CCSER1: variants seen among roughly 807,000 people sequenced by gnomAD.
The protein encoded by CCSER1 is coiled-coil serine rich protein 1.
CCSER1 carries 41 observed loss-of-function variants against 82.0 expected under a neutral mutation model. The ratio of observed to expected loss-of-function variants is 0.50; its 90% CI spans 0.39 to 0.65. The LOEUF is 0.65. Ranked by LOEUF, CCSER1 falls within the 30% of genes least tolerant of loss-of-function variation. CCSER1 has a pLI of 0.00. For synonymous variants in CCSER1, 414 were observed against 383.9 expected (o/e 1.08, Z -0.92); for missense variants, 1,119 against 1,064.2 (o/e 1.05, Z -0.72).
chr4:90,897,704 A>AT (rs1170763518), intron 8 of CCSER1, among the ~76,000 whole-genome samples: 1 of 152,046 alleles, frequency 6.6e-6, no homozygotes, highest in Non-Finnish European at 1.5e-5. Context: ...ATCTTCTACC[A>AT]TTTTCCGTAG....
intron 10 of CCSER1, among the ~76,000 whole-genome samples, chr4:91,318,208 C>A (rs575651727): frequency 6.6e-6 from 1 of 151,882 alleles, no homozygotes; most frequent in Non-Finnish European, 1.5e-5. Context: ...ACTCCTGATA[C>A]TTCAATAGGG....
intron 3 of CCSER1, among the ~76,000 whole-genome samples, chr4:90,315,645 AAGTGT>A (rs1736039992): frequency 6.6e-6 from 1 of 152,002 alleles, no homozygotes; most frequent in Non-Finnish European, 1.5e-5. Context: ...CTGGGACCAC[AAGTGT>A]GTGCCACCAT....
intron 1 of CCSER1, among the ~76,000 whole-genome samples, chr4:90,181,904 T>G (rs1205066287): frequency 6.6e-6 from 1 of 152,088 alleles, no homozygotes; most frequent in Non-Finnish European, 1.5e-5. Context: ...AAAGAAGTCA[T>G]TTGGTAAACA....
rs1225215181 is a variant in CCSER1 at position 90,232,318 on chromosome 4, G to A, written c.-41-75926G>A. Among the ~76,000 whole-genome samples, 6 of 150,776 alleles carry A rather than the reference G, an allele frequency of 4.0e-5. No homozygotes were observed. The East Asian group carries it at 8.0e-4, about 20-fold the overall frequency. Reference sequence around the variant, plus strand: ...GAACAGAGCCCTCAGAAATAATGCCGCATATCTACAACTATCTGATCTTTG... The same window carrying A: ...GAACAGAGCCCTCAGAAATAATGCCACATATCTACAACTATCTGATCTTTG... On this transcript the variant is annotated intron_variant, in intron 1 of 10. Coordinates refer to ENST00000509176, the MANE Select transcript of CCSER1 (RefSeq NM_001145065.2).
rs542316293 is a variant in CCSER1, at chr4:91,360,194, G to A, written c.2218-238378G>A. The stretch of plus-strand genomic sequence containing the variant: ...GACTCTGCTATGCTATAAAATTGAT[G>A]TGTGGGAAAGATACTTCTGTTCCCC... On this transcript the variant is annotated intron_variant, in intron 10 of 10. Coordinates refer to ENST00000509176, the MANE Select transcript of CCSER1 (RefSeq NM_001145065.2). 1.7e-4 allele frequency among the ~76,000 whole-genome samples: 26 copies of A among 151,886 alleles called. 1 individual carries two copies. The highest frequency in any genetic ancestry group is 3.4e-4 in the Non-Finnish European group (23 of 67,856).
intron 5 of CCSER1, among the ~76,000 whole-genome samples, chr4:90,500,574 A>C (rs1578828789): frequency 6.6e-6 from 1 of 151,958 alleles, no homozygotes; most frequent in Admixed American, 6.6e-5. Flanking sequence ...CAAGTGATCT[A>C]CCCGCCAACT....
At chr4:91,183,089 C>G (rs1019260586) in intron 10 of CCSER1, among the ~76,000 whole-genome samples, 1 of 152,180 alleles carries the variant, frequency 6.6e-6, no homozygotes, top group Admixed American at 6.5e-5. Flanking sequence ...TGTATGAGCC[C>G]TAATGTGAGT....
chr4:90,569,435 C>T (rs1174310527), intron 5 of CCSER1, among the ~76,000 whole-genome samples: 2 of 152,058 alleles, frequency 1.3e-5, no homozygotes, highest in Non-Finnish European at 2.9e-5. Flanking sequence ...ACACCATGAT[C>T]AAAAAGAGAG....
chr4:91,476,384 T>G (rs777852272), intron 10 of CCSER1, among the ~76,000 whole-genome samples: 54 of 151,730 alleles, frequency 3.6e-4, no homozygotes, highest in Non-Finnish European at 7.5e-4. Context: ...TCCTTTATGA[T>G]TAGTGATGTT....
intron 10 of CCSER1, among the ~76,000 whole-genome samples, chr4:91,583,024 A>G (rs1303588912): frequency 1.3e-5 from 2 of 151,436 alleles, no homozygotes; most frequent in African/African-American, 4.8e-5. Flanking sequence ...TGTATAGTCC[A>G]CTTAAGCCTA....
At chr4:91,410,551 G>T (rs1752962227) in intron 10 of CCSER1, among the ~76,000 whole-genome samples, 1 of 152,094 alleles carries the variant, frequency 6.6e-6, no homozygotes, top group Non-Finnish European at 1.5e-5. Context: ...TTTTACAAAA[G>T]AATTTTCTCA....
intron 9 of CCSER1, among the ~76,000 whole-genome samples, chr4:90,998,304 TCCGGA>T (rs1367522359): frequency 6.6e-6 from 1 of 152,116 alleles, no homozygotes; most frequent in Admixed American, 6.6e-5. Context: ...CGTCTCAAAC[TCCGGA>T]CCTCAGGTGA....
At chr4:90,652,848 A>G (rs1265224148) in intron 6 of CCSER1, among the ~76,000 whole-genome samples, 1 of 151,940 alleles carries the variant, frequency 6.6e-6, no homozygotes, top group Non-Finnish European at 1.5e-5. Context: ...GAAGAATCCA[A>G]GGCCCCATTG....
rs114177758 is a variant in CCSER1 at position 90,506,964 on chromosome 4, C to T, written c.1724+38610C>T. ...AAAATAAATGAATAGATTTGGTTGA[C>T]GCACTCTCGTTTCAGTTCTCTTGTC... On this transcript the variant is annotated intron_variant, in intron 5 of 10. Transcript: ENST00000509176. Among the ~76,000 whole-genome samples the T allele has an allele frequency of 2.2e-3, 335 of 152,152 alleles. 1 individual carries two copies. Among genetic ancestry groups the T allele is most frequent in the African/African-American group, 6.6e-3 (274 of 41,528 alleles).
intron 6 of CCSER1, among the ~76,000 whole-genome samples, chr4:90,666,553 G>C (rs1180398976): frequency 6.6e-6 from 1 of 152,212 alleles, no homozygotes; most frequent in Admixed American, 6.5e-5. Context: ...AGGATGAGTA[G>C]AGGATGATAC....
intron 6 of CCSER1, among the ~76,000 whole-genome samples, chr4:90,714,749 A>T (rs1017026756): frequency 6.6e-6 from 1 of 152,094 alleles, no homozygotes; most frequent in Non-Finnish European, 1.5e-5. Context: ...AACAAGAGCA[A>T]GATAAAACCA....
chr4:91,434,349 T>C (rs1044293662), intron 10 of CCSER1, among the ~76,000 whole-genome samples: 3 of 152,032 alleles, frequency 2.0e-5, no homozygotes, highest in Admixed American at 2.0e-4. Flanking sequence ...AGGCAGAAAA[T>C]TGATGGGAAG....
At chr4:90,378,795 C>T (rs889740892) in intron 3 of CCSER1, among the ~76,000 whole-genome samples, 1 of 152,070 alleles carries the variant, frequency 6.6e-6, no homozygotes, top group African/African-American at 2.4e-5. Flanking sequence ...TGTGCAGATA[C>T]CCTAGATTGT....
chr4:91,004,664 AT>A (rs1738345229), intron 9 of CCSER1, among the ~76,000 whole-genome samples: 2 of 152,222 alleles, frequency 1.3e-5, no homozygotes, highest in Admixed American at 1.3e-4. Context: ...TCAGACAAAT[AT>A]AATCTTAATG....
Sources: allele counts gnomAD v4.1 joint callset (sites outside exome capture counted in the v4.1 genomes callset), GRCh38; gene constraint gnomAD v4.1.1; transcripts MANE v1.5; gene names NCBI Gene and HGNC (gene_info 2026-07-23, HGNC 2026-07-21).